The following HP1BP3 variants were observed in gnomAD, a reference collection of about 807,000 sequenced individuals.
HP1BP3 encodes heterochromatin protein 1-binding protein 3.
In HP1BP3, 12 loss-of-function variants were observed where a neutral mutation model predicts 62.5. The ratio of observed to expected loss-of-function variants is 0.19; its 90% CI spans 0.12 to 0.31. The LOEUF (loss-of-function observed/expected upper bound fraction) is 0.31, where lower values mean the gene tolerates loss of function less well. Among genes scored for constraint, HP1BP3 ranks in the 10% least tolerant of loss-of-function variants. The pLI is 1.00. For synonymous variants in HP1BP3, 260 were observed against 237.8 expected, an observed-to-expected ratio of 1.09 and a Z score of -0.86; for missense variants, 502 against 651.8, an observed-to-expected ratio of 0.77 and a Z score of 2.50.
At position 20,743,446 on chromosome 1, in the gene HP1BP3, G is replaced by A. The variant is rs1467415574; in HGVS notation, c.*1351C>T. On this transcript the variant is annotated 3_prime_UTR_variant, in exon 13 of 13. Coordinates refer to ENST00000438032, the MANE Select transcript of HP1BP3 (RefSeq NM_001372052.1). ...TGGGAGGCTGAGGTGAGTGGATCAC[G>A]AGGTCAGGAGATCGAGACCATCCTG... 8 of 151,658 alleles carry A rather than the reference G, an allele frequency of 5.3e-5. No individual in the cohort carries two copies. The highest frequency in any genetic ancestry group is 3.9e-4 in the East Asian group (2 of 5,174). 9.4% of individuals were successfully genotyped at this position (151,658 alleles called of 1,614,324 possible).
At chr1:20,748,184 T>C (rs2055461516) in intron 10 of HP1BP3, among the ~76,000 whole-genome samples, 2 of 152,236 alleles carry the variant, frequency 1.3e-5, no homozygotes, top group African/African-American at 4.8e-5. Flanking sequence ...TTTAATTATT[T>C]CCATTCACTT....
At chr1:20,749,625 C>T (rs2055585078) in intron 10 of HP1BP3, 98 bp downstream of exon 10, 7 of 1,194,942 alleles carry the variant, frequency 5.9e-6, no homozygotes, top group South Asian at 4.4e-5. Context: ...TCCCAAAGTG[C>T]TGGGATTACA....
chr1:20,771,226 A>G (rs1250335718), intron 5 of HP1BP3, among the ~76,000 whole-genome samples, 153 bp from the exon 6 acceptor site: 1 of 152,266 alleles, frequency 6.6e-6, no homozygotes, highest in Non-Finnish European at 1.5e-5. Context: ...CATAATGACT[A>G]CAGAGAAGTA....
At chr1:20,765,292 G>A (rs1374718295) in intron 8 of HP1BP3, 85 bp downstream of exon 8, 6 of 858,678 alleles carry the variant, frequency 7.0e-6, no homozygotes, top group Non-Finnish European at 1.0e-5. Context: ...TCCTTCCTCA[G>A]TATTTAATCT....
At chr1:20,779,723 A>C (rs571044452) in intron 3 of HP1BP3, 89 bp downstream of exon 3, 6 of 839,180 alleles carry the variant, frequency 7.1e-6, no homozygotes, top group South Asian at 5.3e-5. Flanking sequence ...AAAAAAAAAA[A>C]AAACAATTAA....
At chr1:20,762,835 C>T (rs926247906) in intron 8 of HP1BP3, among the ~76,000 whole-genome samples, 3 of 152,096 alleles carry the variant, frequency 2.0e-5, no homozygotes, top group Non-Finnish European at 2.9e-5. Flanking sequence ...GGCTGTGTCA[C>T]GGGCACAATC....
chr1:20,751,733 TAATA>T (rs1313594634), intron 9 of HP1BP3, among the ~76,000 whole-genome samples: 3 of 121,226 alleles, frequency 2.5e-5, no homozygotes, highest in African/African-American at 6.3e-5. Context: ...TAAAAATAAA[TAATA>T]AACTAAAAAA....
intron 4 of HP1BP3, 83 bp from the exon 5 acceptor site, chr1:20,773,693 G>T (rs183474234): frequency 2.1e-6 from 2 of 932,784 alleles, no homozygotes; most frequent in African/African-American, 1.7e-5. Flanking sequence ...GACCAGGGAG[G>T]GATAAAAATT....
At chr1:20,768,713 G>A (rs761912837) in intron 6 of HP1BP3, among the ~76,000 whole-genome samples, 4 of 151,990 alleles carry the variant, frequency 2.6e-5, no homozygotes, top group Admixed American at 6.6e-5. Flanking sequence ...GGTAGCGGGC[G>A]CCTGTAATCC....
intron 1 of HP1BP3, among the ~76,000 whole-genome samples, chr1:20,781,101 AAG>A (rs1420194408): frequency 6.6e-6 from 1 of 152,158 alleles, no homozygotes; most frequent in Non-Finnish European, 1.5e-5. Context: ...GTATGCTTCT[AAG>A]ACTGTCATAT....
In HP1BP3 at chr1:20,762,998, G is replaced by A. The variant is rs559351323; in HGVS notation, c.890+2379C>T. 5.9e-5 allele frequency among the ~76,000 whole-genome samples: 9 copies of A among 152,318 alleles called. No homozygotes were observed. In the East Asian group the frequency reaches 1.2e-3, roughly 20 times the overall value. On this transcript the variant is annotated intron_variant, in intron 8 of 12. Transcript: ENST00000438032. ...GAGTTATAGGGATGGCTTCGTGAAT[G>A]GCTTCGTGCCTTCCTGGCCGTAATG...
At chr1:20,767,693 G>A (rs2154540798) in intron 6 of HP1BP3, 29 bp from the exon 7 acceptor site, 1 of 1,446,034 alleles carries the variant, frequency 6.9e-7, no homozygotes, top group Non-Finnish European at 9.6e-7. Context: ...TGTTATTCTA[G>A]TATTCATAAC....
At chr1:20,753,606 T>C (rs996837419) in intron 9 of HP1BP3, among the ~76,000 whole-genome samples, 2 of 152,236 alleles carry the variant, frequency 1.3e-5, no homozygotes, top group African/African-American at 2.4e-5. Flanking sequence ...TACAAAATTA[T>C]GAAGGATTAA....
chr1:20,757,044 A>C (rs2056155860), intron 9 of HP1BP3, 122 bp downstream of exon 9: 1 of 560,948 alleles, frequency 1.8e-6, no homozygotes. Flanking sequence ...AAATGTTGAC[A>C]GATATAACCC....
chr1:20,781,478 C>A (rs773192595), intron 1 of HP1BP3, among the ~76,000 whole-genome samples: 2 of 152,112 alleles, frequency 1.3e-5, no homozygotes, highest in Non-Finnish European at 2.9e-5. Context: ...TCACACTTAT[C>A]GGGAAAATAT....
chr1:20,756,436 G>A (rs1292702767), intron 9 of HP1BP3, among the ~76,000 whole-genome samples: 2 of 152,080 alleles, frequency 1.3e-5, no homozygotes, highest in Non-Finnish European at 2.9e-5. Flanking sequence ...ACGGATTATA[G>A]GCTCACACCT....
At chr1:20,754,027 G>C (rs2055939497) in intron 9 of HP1BP3, among the ~76,000 whole-genome samples, 1 of 152,094 alleles carries the variant, frequency 6.6e-6, no homozygotes, top group African/African-American at 2.4e-5. Flanking sequence ...CAGGCAATCA[G>C]AAGAAGTAAA....
intron 8 of HP1BP3, among the ~76,000 whole-genome samples, chr1:20,761,424 C>CACAA (rs2056471273): frequency 6.6e-6 from 1 of 152,154 alleles, no homozygotes; most frequent in Non-Finnish European, 1.5e-5. Context: ...AAGAGACCAG[C>CACAA]ACAAAGTCAG....
At chr1:20,745,725 T>C in intron 11 of HP1BP3, 69 bp from the exon 12 acceptor site, 1 of 1,524,430 alleles carries the variant, frequency 6.6e-7, no homozygotes, top group African/African-American at 1.4e-5. Flanking sequence ...TGAACCTAGA[T>C]GCTCTTACCT....
Sources: allele counts gnomAD v4.1 joint callset (sites outside exome capture counted in the v4.1 genomes callset), GRCh38; gene constraint gnomAD v4.1.1; transcripts MANE v1.5; gene names NCBI Gene and HGNC (gene_info 2026-07-23, HGNC 2026-07-21).